The following SYNPR variants were observed in gnomAD, a reference collection of about 807,000 sequenced individuals.
The protein encoded by SYNPR is synaptoporin.
In SYNPR, 23 loss-of-function variants were observed where a neutral mutation model predicts 32.9. That is an observed-to-expected ratio of 0.70 (90% confidence interval 0.50 to 0.99). The LOEUF is 0.99. Ranked by LOEUF, SYNPR falls within the 50% of genes least tolerant of loss-of-function variation. The pLI, the probability that SYNPR is intolerant of heterozygous loss-of-function variation, is 0.00. For synonymous variants in SYNPR, 146 were observed against 135.9 expected (o/e 1.07, Z -0.52); for missense variants, 318 against 349.3 (o/e 0.91, Z 0.71).
rs367798928 is a variant in SYNPR, at chr3:63,351,722, A to G, written c.84+72980A>G. The G allele has an allele frequency of 3.3e-5, 5 of 152,214 alleles. No individual in the cohort carries two copies. In the East Asian group the frequency reaches 7.7e-4, roughly 23 times the overall value. 9.4% of individuals were successfully genotyped at this position (152,214 alleles called of 1,614,324 possible). A position where few individuals can be genotyped will look rare whatever the true frequency, so the allele number is the denominator to read the frequency against. ...AAGATTTATAGATTTCATTTACTGA[A>G]TAATATTTGCTAAGAACCTGCCTGC... On this transcript the variant is annotated intron_variant, in intron 2 of 5. Transcript: ENST00000478300.
intron 1 of SYNPR, among the ~76,000 whole-genome samples, chr3:63,245,741 ATGTGTG>A (rs61623224): frequency 1.0e-4 from 9 of 86,992 alleles, no homozygotes; most frequent in African/African-American, 2.7e-4. Flanking sequence ...GTGTGTGTGT[ATGTGTG>A]TGTGTGTGTG....
chr3:63,434,516 C>A (rs547498682), intron 2 of SYNPR, among the ~76,000 whole-genome samples: 1 of 152,354 alleles, frequency 6.6e-6, no homozygotes, highest in African/African-American at 2.4e-5. Context: ...ACCTCTTGAT[C>A]AAATTTACTA....
the SYNPR span, among the ~76,000 whole-genome samples, chr3:63,208,349 G>T: frequency 6.6e-6 from 1 of 152,160 alleles, no homozygotes; most frequent in Non-Finnish European, 1.5e-5. Flanking sequence ...AAAGATGTGG[G>T]CTTCTGCTGC....
At chr3:63,323,264 C>G (rs1374485920) in intron 2 of SYNPR, among the ~76,000 whole-genome samples, 1 of 152,020 alleles carries the variant, frequency 6.6e-6, no homozygotes, top group Non-Finnish European at 1.5e-5. Flanking sequence ...TAAGAAAGAG[C>G]CAAAGGTAAT....
chr3:63,286,283 G>T (rs931036906), intron 2 of SYNPR, among the ~76,000 whole-genome samples: 2 of 141,662 alleles, frequency 1.4e-5, no homozygotes, highest in African/African-American at 5.3e-5. Context: ...TGGCCTTCAG[G>T]GGTTTGTCGT....
In SYNPR at chr3:63,563,974, GAAAA is replaced by G. The variant is rs56364011; in HGVS notation, c.408+7246_408+7249del. Among the ~76,000 whole-genome samples the G allele has an allele frequency of 5.5e-3, 808 of 146,034 alleles. 13 individuals are homozygous for G. In the East Asian group the frequency reaches 0.058, roughly 10 times the overall value. On this transcript the variant is annotated intron_variant, in intron 4 of 5. Coordinates refer to ENST00000478300, the MANE Select transcript of SYNPR (RefSeq NM_001130003.2). The stretch of plus-strand genomic sequence containing the variant: ...ATTTTAATAAATACTCTCAAATATG[GAAAA>G]AAAAAAAAAAAAGACAACTCGAGAG...
intron 3 of SYNPR, among the ~76,000 whole-genome samples, chr3:63,550,614 T>C (rs1702482992): frequency 6.6e-6 from 1 of 152,102 alleles, no homozygotes; most frequent in African/African-American, 2.4e-5. Context: ...ATTCTCTCCC[T>C]CCCCACTGTC....
upstream of SYNPR, among the ~76,000 whole-genome samples, chr3:63,226,579 A>T (rs977364236): frequency 2.6e-5 from 4 of 152,150 alleles, no homozygotes; most frequent in African/African-American, 9.7e-5. Context: ...AGGTCATTAT[A>T]TTAAGTGAGA....
chr3:63,402,155 G>T (rs1303996763), intron 2 of SYNPR, among the ~76,000 whole-genome samples: 1 of 152,120 alleles, frequency 6.6e-6, no homozygotes, highest in African/African-American at 2.4e-5. Flanking sequence ...ACACTTTCTA[G>T]ATCAGCCATT....
At chr3:63,347,267 G>A (rs933854523) in intron 2 of SYNPR, among the ~76,000 whole-genome samples, 1 of 152,034 alleles carries the variant, frequency 6.6e-6, no homozygotes, top group African/African-American at 2.4e-5. Flanking sequence ...GTGTGATTTG[G>A]CAATAACGAA....
intron 4 of SYNPR, among the ~76,000 whole-genome samples, chr3:63,582,759 C>T (rs1306216374): frequency 6.6e-6 from 1 of 152,058 alleles, no homozygotes; most frequent in African/African-American, 2.4e-5. Flanking sequence ...TGGAATCGGA[C>T]TGCATTTGTG....
At chr3:63,242,783 A>G (rs1029701662) in intron 1 of SYNPR, among the ~76,000 whole-genome samples, 1 of 152,102 alleles carries the variant, frequency 6.6e-6, no homozygotes, top group Non-Finnish European at 1.5e-5. Flanking sequence ...AACAAATAGA[A>G]TTATCTGAAA....
chr3:63,603,431 G>A lies in SYNPR; in HGVS notation c.409-5694G>A, dbSNP rs185279825. ...ATTCCTGTCTTGTTCTGGTTTTCAA[G>A]GGGAATACTTCTAGCTTTTGTATAT... On this transcript the variant is annotated intron_variant, in intron 4 of 5. Transcript: ENST00000478300. 2.9e-3 allele frequency among the ~76,000 whole-genome samples: 447 copies of A among 152,252 alleles called. 2 individuals are homozygous for A. Among genetic ancestry groups the A allele is most frequent in the African/African-American group, 0.01 (430 of 41,566 alleles).
At chr3:63,531,178 A>G (rs574754349) in intron 3 of SYNPR, among the ~76,000 whole-genome samples, 4 of 152,288 alleles carry the variant, frequency 2.6e-5, no homozygotes, top group African/African-American at 9.6e-5. Flanking sequence ...AGTCCAGGGT[A>G]GTTTTATGCA....
At chr3:63,368,997 G>A (rs938239383) in intron 2 of SYNPR, among the ~76,000 whole-genome samples, 1 of 152,160 alleles carries the variant, frequency 6.6e-6, no homozygotes, top group Non-Finnish European at 1.5e-5. Context: ...GCTAAATCAT[G>A]TGTCTGCAAA....
chr3:63,397,649 A>G (rs1314682873), intron 2 of SYNPR, among the ~76,000 whole-genome samples: 1 of 152,182 alleles, frequency 6.6e-6, no homozygotes, highest in Non-Finnish European at 1.5e-5. Flanking sequence ...ACCATCTAAT[A>G]TGGTGCAGAA....
chr3:63,480,833 T>G lies in SYNPR; in HGVS notation c.86T>G (p.Leu29Arg). 1 of 1,613,206 alleles carries G rather than the reference T, an allele frequency of 6.2e-7. No individual in the cohort carries two copies. Among genetic ancestry groups the G allele is most frequent in the Non-Finnish European group, 8.5e-7 (1 of 1,179,358 alleles). The change falls in exon 3 of 6, where the codon CTT (leucine) becomes CGT (arginine). Residue 29 changes from leucine (L) to arginine (R), a missense_variant and splice_region_variant. Leu to Arg is a moderately radical substitution (Grantham distance 102, BLOSUM62 -2). Transcript: ENST00000478300. The stretch of plus-strand genomic sequence containing the variant: ...TATTTGTTTAATTGTTCTCCACAGC[T>G]TTTTGCAATCTTTGCATTTGCAACA... ...PLAFLRALEL[L>R]FAIFAFATCG...
intron 1 of SYNPR, among the ~76,000 whole-genome samples, chr3:63,251,134 G>A (rs13098482): frequency 0.08 from 12,147 of 151,700 alleles, 622 homozygotes; most frequent in Non-Finnish European, 0.12. Flanking sequence ...ATATTGTTTC[G>A]TTCAGAGAAA....
intron 2 of SYNPR, among the ~76,000 whole-genome samples, chr3:63,290,625 A>G (rs1423037616): frequency 6.6e-6 from 1 of 152,222 alleles, no homozygotes. Flanking sequence ...AAATTCAGAA[A>G]TACGTTGTTG....
Sources: allele counts gnomAD v4.1 joint callset (sites outside exome capture counted in the v4.1 genomes callset), GRCh38; gene constraint gnomAD v4.1.1; transcripts MANE v1.5; gene names NCBI Gene and HGNC (gene_info 2026-07-23, HGNC 2026-07-21).